The following OSGIN2 variants were observed in gnomAD, a reference collection of about 807,000 sequenced individuals.
The protein encoded by OSGIN2 is oxidative stress-induced growth inhibitor 2.
Under a neutral mutation model 53.8 loss-of-function variants are expected in OSGIN2, and 19 were observed. The observed-to-expected ratio is 0.35, with a 90% confidence interval of 0.25 to 0.52. The LOEUF (loss-of-function observed/expected upper bound fraction) is 0.52. Ranked by LOEUF, OSGIN2 falls within the 20% of genes least tolerant of loss-of-function variation. OSGIN2 has a pLI of 0.95. For synonymous variants in OSGIN2, 236 were observed against 236.0 expected, an observed-to-expected ratio of 1.00 and a Z score of 0.00; for missense variants, 520 against 662.7, an observed-to-expected ratio of 0.78 and a Z score of 2.36.
At chr8:89,903,005 G>A (rs1365546287) in intron 1 of OSGIN2, among the ~76,000 whole-genome samples, 168 bp downstream of exon 1, 2 of 152,084 alleles carry the variant, frequency 1.3e-5, no homozygotes, top group East Asian at 3.9e-4. Flanking sequence ...GTGCGGTGTG[G>A]TGGGGTCCTT....
At chr8:89,923,696 G>A (rs923129235) in intron 5 of OSGIN2, among the ~76,000 whole-genome samples, 1 of 152,212 alleles carries the variant, frequency 6.6e-6, no homozygotes, top group Admixed American at 6.5e-5. Context: ...CAGTAAGCTA[G>A]TTGTTATTAA....
At chr8:89,914,819 C>T (rs1347880642) in intron 4 of OSGIN2, 73 bp downstream of exon 4, 2 of 1,036,956 alleles carry the variant, frequency 1.9e-6, no homozygotes, top group East Asian at 4.8e-5. Flanking sequence ...TATTCTTAAG[C>T]ATTATGATAA....
chr8:89,910,711 G>A (rs891116226), intron 2 of OSGIN2, among the ~76,000 whole-genome samples: 1 of 152,152 alleles, frequency 6.6e-6, no homozygotes, highest in African/African-American at 2.4e-5. Flanking sequence ...TGAATGAATG[G>A]AGGAATCCTG....
chr8:89,909,037 A>AAAT (rs1554550040), intron 1 of OSGIN2, among the ~76,000 whole-genome samples: 183 of 84,678 alleles, frequency 2.2e-3, no homozygotes, highest in Non-Finnish European at 3.2e-3. Flanking sequence ...AAAAAAAAAA[A>AAAT]ATATATATAT....
intron 2 of OSGIN2, among the ~76,000 whole-genome samples, chr8:89,913,518 AT>A: frequency 6.6e-6 from 1 of 152,330 alleles, no homozygotes; most frequent in East Asian, 1.9e-4. Flanking sequence ...ATGTGAAATG[AT>A]TGGGAGTGGG....
rs2130682590 is a variant in OSGIN2, at chr8:89,902,778, C to T, written c.-16C>T. 4.0e-6 allele frequency: 5 copies of T among 1,245,558 alleles called. No homozygotes were observed. The highest frequency in any genetic ancestry group is 3.2e-5 in the East Asian group (1 of 31,144). 77.2% of individuals were successfully genotyped at this position (1,245,558 alleles called of 1,614,324 possible). ...GCCACGGCGGCCGCGCTCGGGCGCC[C>T]CTCGCGCAGCGCTCCATGCCCGTGT... On this transcript the variant is annotated 5_prime_UTR_variant, in exon 1 of 6. Transcript: ENST00000451899.
rs746482713 is a variant in OSGIN2, at chr8:89,909,569, AC to A, written c.48del (p.Tyr17IlefsTer14). On this transcript the variant is annotated frameshift_variant, in exon 2 of 6. Transcript: ENST00000451899. LOFTEE classifies it high-confidence loss of function. ...CRCSLAGHFR[N>X]YSDTETEGEI... ...TTCCCCCTTTTTTTTTTTTAAAGAA[AC>A]TATAGTGACACTGAAACTGAAGGAG... The A allele has an allele frequency of 2.0e-5, 30 of 1,502,606 alleles. No individual in the cohort carries two copies. The highest frequency in any genetic ancestry group is 2.6e-5 in the Non-Finnish European group (29 of 1,117,708). 93.1% of individuals were successfully genotyped at this position (1,502,606 alleles called of 1,614,324 possible).
chr8:89,917,926 G>T (rs1563473035), intron 4 of OSGIN2, among the ~76,000 whole-genome samples: 1 of 151,900 alleles, frequency 6.6e-6, no homozygotes, highest in Admixed American at 6.6e-5. Context: ...AGCTTCTATT[G>T]GTCGGTATGT....
chr8:89,911,239 A>C (rs1808960225), intron 2 of OSGIN2, among the ~76,000 whole-genome samples: 1 of 152,158 alleles, frequency 6.6e-6, no homozygotes, highest in African/African-American at 2.4e-5. Context: ...GATTGGGTCT[A>C]CCTGGGTAAT....
At position 89,907,200 on chromosome 8, in the gene OSGIN2, T is replaced by C. The variant is rs191347195; in HGVS notation, c.45-2367T>C. Among the ~76,000 whole-genome samples, 1,076 of 152,302 alleles carry C rather than the reference T, an allele frequency of 7.1e-3. 6 individuals are homozygous for C. Among genetic ancestry groups the C allele is most frequent in the Non-Finnish European group, 0.012 (850 of 68,016 alleles). ...ATAGTTTGCAAAAATTTTCTCCCATTCTGTTGGTTGTCTGTTTACTCTGTT... is the reference window on the plus strand; with the variant it reads ...ATAGTTTGCAAAAATTTTCTCCCATCCTGTTGGTTGTCTGTTTACTCTGTT... On this transcript the variant is annotated intron_variant, in intron 1 of 5. Coordinates refer to ENST00000451899, the MANE Select transcript of OSGIN2 (RefSeq NM_001126111.3).
chr8:89,903,740 G>A (rs924320109), intron 1 of OSGIN2, among the ~76,000 whole-genome samples: 2 of 152,138 alleles, frequency 1.3e-5, no homozygotes, highest in Non-Finnish European at 2.9e-5. Flanking sequence ...TAGTATCTGT[G>A]ACTGTCATCA....
rs781254128 is a variant in OSGIN2 at position 89,924,638 on chromosome 8, AGAT to A, written c.766_768del (p.Asp256del). The A allele has an allele frequency of 1.6e-5, 26 of 1,613,900 alleles. No individual in the cohort carries two copies. The Admixed American group carries it at 3.3e-4, about 21-fold the overall frequency. The stretch of plus-strand genomic sequence containing the variant: ...CCGTATCAAGACTCTACAGAGATCA[AGAT>A]GATGATGATATTCAAGACAGAGATA... On this transcript the variant is annotated inframe_deletion, in exon 6 of 6. Coordinates refer to ENST00000451899, the MANE Select transcript of OSGIN2 (RefSeq NM_001126111.3).
chr8:89,923,871 C>T (rs1809257431), intron 5 of OSGIN2, among the ~76,000 whole-genome samples: 1 of 149,570 alleles, frequency 6.7e-6, no homozygotes. Context: ...TGGAAAATGA[C>T]ATACAGACTA....
rs74956584 is a variant in OSGIN2 at position 89,911,206 on chromosome 8, A to G, written c.199+1485A>G. On this transcript the variant is annotated intron_variant, in intron 2 of 5. Coordinates refer to ENST00000451899, the MANE Select transcript of OSGIN2 (RefSeq NM_001126111.3). ...TCACCACAACTGGGAAAAGTTCTCT[A>G]TTTTTAAGGACTCTTGTGATTAGAT... Among the ~76,000 whole-genome samples, 864 of 152,216 alleles carry G rather than the reference A, an allele frequency of 5.7e-3. 7 individuals carry two copies. Among genetic ancestry groups the G allele is most frequent in the African/African-American group, 0.02 (819 of 41,520 alleles).
chr8:89,918,589 T>G (rs1022050772), intron 4 of OSGIN2, among the ~76,000 whole-genome samples: 2 of 152,216 alleles, frequency 1.3e-5, no homozygotes, highest in Non-Finnish European at 2.9e-5. Context: ...ATTAATTGAT[T>G]CCCAAATCAG....
At chr8:89,919,218 A>G (rs190258727) in intron 4 of OSGIN2, among the ~76,000 whole-genome samples, 5 of 152,286 alleles carry the variant, frequency 3.3e-5, no homozygotes, top group Admixed American at 6.5e-5. Context: ...CGAAGATTCA[A>G]TAGGATTCAC....
intron 2 of OSGIN2, among the ~76,000 whole-genome samples, chr8:89,912,775 C>T (rs145264411): frequency 6.6e-6 from 1 of 151,604 alleles, no homozygotes. Flanking sequence ...AAAAACAAAA[C>T]TCCTGATCCC....
chr8:89,925,352 A>G lies in OSGIN2; in HGVS notation c.1470A>G (p.Ile490Met), dbSNP rs372246997. ...CATGTAAGGGTAATCCTGTGGAAAT[A>G]GATACATATACCTATGAGTGTATTA... is the stretch of plus-strand genomic sequence containing the variant. ...PITCKGNPVE[I>M]DTYTYECIKE... Residue 490 changes from isoleucine to methionine, a missense_variant, in exon 6 of 6, where the codon ATA (isoleucine) becomes ATG (methionine). Physicochemically the swap from Ile to Met is conservative, Grantham distance 10. Coordinates refer to ENST00000451899, the MANE Select transcript of OSGIN2 (RefSeq NM_001126111.3). 1.9e-6 allele frequency: 3 copies of G among 1,614,068 alleles called. No homozygotes were observed. In the African/African-American group the frequency reaches 4.0e-5, roughly 22 times the overall value.
chr8:89,920,059 G>A (rs1208465766), intron 4 of OSGIN2, among the ~76,000 whole-genome samples: 1 of 152,166 alleles, frequency 6.6e-6, no homozygotes, highest in Non-Finnish European at 1.5e-5. Context: ...AAATAGTAGT[G>A]TCTTAAGGTT....
Sources: allele counts gnomAD v4.1 joint callset (sites outside exome capture counted in the v4.1 genomes callset), GRCh38; gene constraint gnomAD v4.1.1; transcripts MANE v1.5; gene names NCBI Gene and HGNC (gene_info 2026-07-23, HGNC 2026-07-21).